SHROOM3: variants seen among roughly 807,000 people sequenced by gnomAD.
SHROOM3 encodes protein Shroom3.
A neutral mutation model predicts 138.6 loss-of-function variants in SHROOM3; 47 were observed. The ratio of observed to expected loss-of-function variants is 0.34; its 90% CI spans 0.27 to 0.43. The LOEUF is 0.43. Ranked by LOEUF, SHROOM3 falls within the 20% of genes least tolerant of loss-of-function variation. The pLI is 1.00. For synonymous variants in SHROOM3, 1,062 were observed against 1,063.3 expected (o/e 1.00, Z 0.02); for missense variants, 2,491 against 2,596.5 (o/e 0.96, Z 0.88).
chr4:76,656,210 C>G (rs1312668946), intron 2 of SHROOM3, among the ~76,000 whole-genome samples: 1 of 152,180 alleles, frequency 6.6e-6, no homozygotes, highest in African/African-American at 2.4e-5. Context: ...ACCAGAGCCC[C>G]TCACCATTCC....
At position 76,741,434 on chromosome 4, in the gene SHROOM3, G is replaced by A. The variant is rs993387343; in HGVS notation, c.3261G>A (p.Ala1087=). Residue 1087 remains alanine, a synonymous_variant, in exon 5 of 11, where the codon GCG becomes GCA. Transcript: ENST00000296043. This position sits in a 1 kb window ranked among gnomAD's most constrained non-coding sequence, Gnocchi z 6.2. ...AGCAGTTCCAGCAGAGCGCCCTGGC[G>A]GACTACATCCAGCGCAAGACCGGCA... The part of the protein sequence containing the change: ...ELKQFQQSAL[A]DYIQRKTGKR... 8 of 1,590,090 alleles carry A rather than the reference G, an allele frequency of 5.0e-6. No individual in the cohort carries two copies. Among genetic ancestry groups the A allele is most frequent in the Non-Finnish European group, 6.0e-6 (7 of 1,169,906 alleles).
At chr4:76,441,207 G>C (rs1318190055) in intron 1 of SHROOM3, among the ~76,000 whole-genome samples, 2 of 144,090 alleles carry the variant, frequency 1.4e-5, no homozygotes, top group African/African-American at 5.1e-5. Flanking sequence ...CCATTCTCCT[G>C]CCTCAGACTC....
In SHROOM3 at chr4:76,646,225, A is replaced by AATAAATAAATAAATAAATATATATATAT. The variant is rs61374645; in HGVS notation, c.324-63928_324-63927insAATAAATAAATAAATATATATATATATA. Among the ~76,000 whole-genome samples, 7 of 96,240 alleles carry AATAAATAAATAAATAAATATATATATAT rather than the reference A, an allele frequency of 7.3e-5. No individual in the cohort carries two copies. In the South Asian group the frequency reaches 1.6e-3, roughly 22 times the overall value. 63.1% of individuals were successfully genotyped at this position (96,240 alleles called of 152,430 possible). ...CCTAGAACTTAAAGTATAATAAATA[A>AATAAATAAATAAATAAATATATATATAT]ATATATATATATATATATATATAAA... On this transcript the variant is annotated intron_variant, in intron 2 of 10. Transcript: ENST00000296043.
rs546352185 is a variant in SHROOM3, at chr4:76,744,899, CAA to C, written c.3753+2975_3753+2976del. On this transcript the variant is annotated intron_variant, in intron 5 of 10. Coordinates refer to ENST00000296043, the MANE Select transcript of SHROOM3 (RefSeq NM_020859.4). Reference sequence around the variant, plus strand: ...AGTGAGGCCTTTCTGCCTCCAAAAACAAAGTCATCATGGAAATCAGTTCCTCT... The same window carrying C: ...AGTGAGGCCTTTCTGCCTCCAAAAACAGTCATCATGGAAATCAGTTCCTCT... 3.3e-5 allele frequency among the ~76,000 whole-genome samples: 5 copies of C among 152,292 alleles called. No individual in the cohort carries two copies. In the South Asian group the frequency reaches 1.0e-3, roughly 32 times the overall value.
chr4:76,764,797 GA>G (rs1722094444), intron 9 of SHROOM3, among the ~76,000 whole-genome samples: 1 of 152,170 alleles, frequency 6.6e-6, no homozygotes. Flanking sequence ...TTTTGATTAT[GA>G]TTTGGATGGA....
intron 3 of SHROOM3, among the ~76,000 whole-genome samples, chr4:76,712,372 A>G (rs1380464569): frequency 7.2e-5 from 11 of 152,224 alleles, no homozygotes; most frequent in Admixed American, 5.2e-4. Flanking sequence ...CAGGGAAGGC[A>G]GGAATCACAG....
chr4:76,653,273 C>T (rs923942954), intron 2 of SHROOM3, among the ~76,000 whole-genome samples: 2 of 151,978 alleles, frequency 1.3e-5, no homozygotes, highest in Admixed American at 6.6e-5. Flanking sequence ...AGCCTTGGTG[C>T]TGTTACTGTT....
chr4:76,518,724 C>T (rs1732500440), intron 1 of SHROOM3, among the ~76,000 whole-genome samples: 1 of 152,190 alleles, frequency 6.6e-6, no homozygotes, highest in East Asian at 1.9e-4. Context: ...GCACCCAAGC[C>T]TGTTCCTGTG....
intron 4 of SHROOM3, among the ~76,000 whole-genome samples, chr4:76,738,488 G>GC (rs1250880655): frequency 2.6e-5 from 4 of 152,108 alleles, no homozygotes; most frequent in African/African-American, 9.7e-5. Flanking sequence ...TGCTGCCTGT[G>GC]CCCAAAGGCC....
chr4:76,445,919 A>C (rs968863330), intron 1 of SHROOM3, among the ~76,000 whole-genome samples: 6 of 152,196 alleles, frequency 3.9e-5, no homozygotes, highest in African/African-American at 1.4e-4. Flanking sequence ...ACAACTGTCA[A>C]CATCATAGTA....
intron 2 of SHROOM3, among the ~76,000 whole-genome samples, chr4:76,562,236 C>T (rs937574988): frequency 6.6e-6 from 1 of 152,110 alleles, no homozygotes; most frequent in African/African-American, 2.4e-5. Context: ...CTTCCTCCCT[C>T]CTAACAAAAA....
chr4:76,773,185 G>A (rs926707380), intron 10 of SHROOM3, among the ~76,000 whole-genome samples: 28 of 152,072 alleles, frequency 1.8e-4, no homozygotes, highest in East Asian at 1.5e-3. Flanking sequence ...GACCAGCCTG[G>A]CCAACATGGC....
intron 1 of SHROOM3, among the ~76,000 whole-genome samples, chr4:76,438,799 G>A (rs1481875671): frequency 6.6e-6 from 1 of 150,992 alleles, no homozygotes; most frequent in Admixed American, 6.6e-5. Context: ...GTACACAAAT[G>A]TTTGTTGAGT....
Position 76,759,702 on chromosome 4 carries a change from A to T in SHROOM3, c.5349+7A>T. The T allele has an allele frequency of 6.2e-7, 1 of 1,612,998 alleles. No homozygotes were observed. Among genetic ancestry groups the T allele is most frequent in the Non-Finnish European group, 8.5e-7 (1 of 1,179,432 alleles). On this transcript the variant is annotated splice_region_variant and intron_variant, in intron 9 of 10. Coordinates refer to ENST00000296043, the MANE Select transcript of SHROOM3 (RefSeq NM_020859.4). Reference sequence around the variant, plus strand: ...AGATGTCAATGAAAAGAAGGTAAATAAAGAATGGGATGCCCTTGTTCAGCT... The same window carrying T: ...AGATGTCAATGAAAAGAAGGTAAATTAAGAATGGGATGCCCTTGTTCAGCT...
chr4:76,705,326 AACAAC>A, intron 2 of SHROOM3, among the ~76,000 whole-genome samples: 1 of 151,940 alleles, frequency 6.6e-6, no homozygotes, highest in African/African-American at 2.4e-5. Flanking sequence ...CAACAACAAC[AACAAC>A]AACAAAACAT....
chr4:76,554,493 C>T (rs1177590532), intron 1 of SHROOM3, among the ~76,000 whole-genome samples: 1 of 148,974 alleles, frequency 6.7e-6, no homozygotes, highest in African/African-American at 2.5e-5. Context: ...GATCTCAGCT[C>T]ACTGCAAGCG....
chr4:76,533,634 A>G (rs1560536586), intron 1 of SHROOM3, among the ~76,000 whole-genome samples: 1 of 152,208 alleles, frequency 6.6e-6, no homozygotes, highest in African/African-American at 2.4e-5. Context: ...TGAGTGCAGG[A>G]TGTTTGAAAG....
intron 1 of SHROOM3, among the ~76,000 whole-genome samples, chr4:76,497,163 A>G (rs1214321735): frequency 6.6e-6 from 1 of 152,228 alleles, no homozygotes; most frequent in Non-Finnish European, 1.5e-5. Flanking sequence ...ATAACTTCTT[A>G]CTCACTTTAA....
intron 1 of SHROOM3, among the ~76,000 whole-genome samples, chr4:76,530,727 G>A (rs1023289472): frequency 3.9e-5 from 6 of 152,264 alleles, no homozygotes; most frequent in East Asian, 3.9e-4. Flanking sequence ...TTTAATTCCC[G>A]TGCCTGTACA....
Sources: gnomAD v4.1 joint callset for allele counts (sites outside exome capture counted in the v4.1 genomes callset) on GRCh38, gnomAD v4.1.1 for gene constraint, Gnocchi (gnomAD v3.1) non-coding constraint, MANE v1.5 for transcripts, NCBI Gene and HGNC (gene_info 2026-07-23, HGNC 2026-07-21) for gene names.